The following LIPE variants were observed in gnomAD, a reference collection of about 807,000 sequenced individuals.
The protein encoded by LIPE is lipase E, hormone sensitive type.
LIPE carries 66 observed loss-of-function variants against 88.5 expected under a neutral mutation model. That is an observed-to-expected ratio of 0.75 (90% CI 0.61 to 0.91). LIPE has a LOEUF of 0.91. Among genes scored for constraint, LIPE ranks in the 40% least tolerant of loss-of-function variants. The probability of loss-of-function intolerance (pLI) is 0.00; values close to 1 mark genes in which losing one functional copy is unlikely to be tolerated. For synonymous variants in LIPE, 570 were observed against 617.5 expected (o/e 0.92, Z 1.14); for missense variants, 1,346 against 1,434.7 (o/e 0.94, Z 1.00).
At position 42,401,860 on chromosome 19, in the gene LIPE, C is replaced by G; in HGVS notation, c.3183G>C (p.Gly1061=). 1 of 1,525,956 alleles carries G rather than the reference C, an allele frequency of 6.6e-7. No individual in the cohort carries two copies. The allele number at this position is 1,525,956 out of a possible 1,614,324, so 94.5% of individuals were successfully genotyped here. ...LTPPAGAGPS[G]ETGAAGVDGG... is the part of the protein sequence containing the mutation. ...CGTCTACCCCCGCAGCCCCCGTCTC[C>G]CCGCTCGGCCCGGCTCCGGCGGGAG... is the stretch of plus-strand genomic sequence containing the variant. Residue 1061 remains glycine, a synonymous_variant, in exon 10 of 10, where the codon GGG becomes GGC. Transcript: ENST00000244289.
At chr19:42,419,041 G>C (rs1218946958) in intron 1 of LIPE, among the ~76,000 whole-genome samples, 2 of 152,186 alleles carry the variant, frequency 1.3e-5, no homozygotes, top group East Asian at 3.9e-4. Flanking sequence ...CACTTTGGGA[G>C]GCTGAGGCCG....
chr19:42,426,931 C>T lies in LIPE; in HGVS notation c.219G>A (p.Lys73=), dbSNP rs1035182646. The T allele has an allele frequency of 1.2e-6, 2 of 1,614,132 alleles. No individual in the cohort carries two copies. Among genetic ancestry groups the T allele is most frequent in the Admixed American group, 1.7e-5 (1 of 60,022 alleles). The change falls in exon 1 of 10, where the codon AAG becomes AAA. Residue 73 remains lysine (K), a synonymous_variant. Coordinates refer to ENST00000244289, the MANE Select transcript of LIPE (RefSeq NM_005357.4). ...CAGATTTTTGTTGGGCTCTAGGTTCCTTCTGGGATTCAGCATCATGTTGTG... is the reference window on the plus strand; with the variant it reads ...CAGATTTTTGTTGGGCTCTAGGTTCTTTCTGGGATTCAGCATCATGTTGTG... ...TPAQHDAESQ[K]EPRAQQKSAS...
rs1365592686 is a variant in LIPE, at chr19:42,401,848, A to G, written c.3195T>C (p.Ala1065=). ...AGAGPSGETG[A]AGVDGGCGGR... is the part of the protein sequence containing the mutation. Reference sequence around the variant, plus strand: ...CCCCGCAGCCCCCGTCTACCCCCGCAGCCCCCGTCTCCCCGCTCGGCCCGG... The same window carrying G: ...CCCCGCAGCCCCCGTCTACCCCCGCGGCCCCCGTCTCCCCGCTCGGCCCGG... The change falls in exon 10 of 10, where the codon GCT becomes GCC. Residue 1065 remains alanine (A), a synonymous_variant. Transcript: ENST00000244289. The G allele has an allele frequency of 4.3e-6, 3 of 692,832 alleles. No individual in the cohort carries two copies. The allele number at this position is 692,832 out of a possible 1,614,324, so 42.9% of individuals were successfully genotyped here.
Position 42,426,292 on chromosome 19 carries a change from C to A in LIPE, c.858G>T (p.Arg286=). 1 of 1,603,016 alleles carries A rather than the reference C, an allele frequency of 6.2e-7. No homozygotes were observed. Among genetic ancestry groups the A allele is most frequent in the Non-Finnish European group, 8.5e-7 (1 of 1,170,706 alleles). ...GTSPHEKTSA[R]NHRHYQDTAS... ...CTGTATCCTGGTAGTGTCTGTGATT[C>A]CGAGCACTGGTTTTCTCATGTGGCG... Residue 286 remains arginine (R), a synonymous_variant, in exon 1 of 10, where the codon CGG becomes CGT. Transcript: ENST00000244289.
chr19:42,426,974 G>A lies in LIPE; in HGVS notation c.176C>T (p.Thr59Ile), dbSNP rs369176160. The stretch of plus-strand genomic sequence containing the variant: ...ATGTTGTGCAGGGGTCTCCTGCTGG[G>A]TGAGGGGTCTTTGGTTTGAAGCAGG... The part of the protein sequence containing the change: ...QKPASNQRPL[T>I]QQETPAQHDA... Residue 59 changes from threonine (T) to isoleucine (I), a missense_variant, in exon 1 of 10, where the codon ACC (threonine) becomes ATC (isoleucine). Physicochemically the swap from Thr to Ile is moderately conservative, Grantham distance 89 (BLOSUM62 -1). Transcript: ENST00000244289. 100 of 1,613,970 alleles carry A rather than the reference G, an allele frequency of 6.2e-5. No individual in the cohort carries two copies. The highest frequency in any genetic ancestry group is 8.1e-5 in the Non-Finnish European group (96 of 1,180,038).
intron 1 of LIPE, chr19:42,424,245 T>A: frequency 1.6e-6 from 1 of 615,220 alleles, no homozygotes; most frequent in Non-Finnish European, 2.7e-6. Context: ...GCCTGCGCAC[T>A]AGCTTCAGGC....
rs1600154202 is a variant in LIPE at position 42,427,310 on chromosome 19, C to T, written c.-161G>A. The T allele has an allele frequency of 7.3e-7, 1 of 1,375,200 alleles. No individual in the cohort carries two copies. The highest frequency in any genetic ancestry group is 9.5e-7 in the Non-Finnish European group (1 of 1,057,398). 85.2% of individuals were successfully genotyped at this position (1,375,200 alleles called of 1,614,324 possible). A position where few individuals can be genotyped will look rare whatever the true frequency, so the allele number is the denominator to read the frequency against. On this transcript the variant is annotated 5_prime_UTR_variant, in exon 1 of 10. Transcript: ENST00000244289. ...TCACTGGTCTTCCTTTTTAAGGCAG[C>T]TGGCAGTTGGCCGATCACAGCTGGC...
chr19:42,402,138 G>C, intron 9 of LIPE, 63 bp from the exon 10 acceptor site: 5 of 1,389,630 alleles, frequency 3.6e-6, no homozygotes, highest in Non-Finnish European at 3.8e-6. Flanking sequence ...GGGTCGGGTA[G>C]AGCGAGGAGG....
intron 1 of LIPE, chr19:42,423,669 T>A (rs1380451172): frequency 1.7e-6 from 2 of 1,152,662 alleles, no homozygotes. Context: ...TGGGTCCAGC[T>A]CCCTAACCAA....
At position 42,414,277 on chromosome 19, in the gene LIPE, G is replaced by C. The variant is rs1372032023; in HGVS notation, c.884-3435C>G. 6.6e-6 allele frequency among the ~76,000 whole-genome samples: 1 copy of C among 151,604 alleles called. No individual in the cohort carries two copies. The highest frequency in any genetic ancestry group is 2.4e-5 in the African/African-American group (1 of 41,266). On this transcript the variant is annotated intron_variant, in intron 1 of 9. Coordinates refer to ENST00000244289, the MANE Select transcript of LIPE (RefSeq NM_005357.4). The surrounding 1 kb of genome is among the most constrained non-coding windows in gnomAD (Gnocchi z 4.6). ...GATAAAGCGAGACTCTGTCAGAAAA[G>C]AAAGGAAAGAAAGAAAGGAAAGGAA...
rs1055978908 is a variant in LIPE, at chr19:42,423,715, A to G, written c.883+2552T>C. 7.1e-6 allele frequency: 8 copies of G among 1,128,528 alleles called. No individual in the cohort carries two copies. In the African/African-American group the frequency reaches 1.2e-4, roughly 17 times the overall value. The allele number at this position is 1,128,528 out of a possible 1,614,324, so 69.9% of individuals were successfully genotyped here. On this transcript the variant is annotated intron_variant, in intron 1 of 9. Coordinates refer to ENST00000244289, the MANE Select transcript of LIPE (RefSeq NM_005357.4). The stretch of plus-strand genomic sequence containing the variant: ...CCTCCGCTGCCGTGCTCCGCCCCCA[A>G]CCGCCAGAATTTAAGATCTGGCTCC...
Position 42,408,102 on chromosome 19 carries a change from G to A in LIPE, c.1530C>T (p.Leu510=). 1 of 1,613,956 alleles carries A rather than the reference G, an allele frequency of 6.2e-7. No individual in the cohort carries two copies. The highest frequency in any genetic ancestry group is 1.7e-5 in the Admixed American group (1 of 60,022). Reference sequence around the variant, plus strand: ...CGATGGCAAAGCGGCCGCTGGTGAAGAGAGAGCTGGCGGCCACACCTAGGG... The same window carrying A: ...CGATGGCAAAGCGGCCGCTGGTGAAAAGAGAGCTGGCGGCCACACCTAGGG... ...ETGLSVAASS[L]FTSGRFAIDP... is the part of the protein sequence containing the mutation. The change falls in exon 4 of 10, where the codon CTC becomes CTT. Residue 510 remains leucine (L), a synonymous_variant. Coordinates refer to ENST00000244289, the MANE Select transcript of LIPE (RefSeq NM_005357.4). This position sits in a 1 kb window ranked among gnomAD's most constrained non-coding sequence, Gnocchi z 4.3.
At position 42,410,154 on chromosome 19, in the gene LIPE, G is replaced by C. The variant is rs1219120528; in HGVS notation, c.1419+153C>G. ...AGTTTGAGACCCCTGGTGCAGCTCTGTCTGAGCTCCAGCCAACTTCTCCTT... is the reference window on the plus strand; with the variant it reads ...AGTTTGAGACCCCTGGTGCAGCTCTCTCTGAGCTCCAGCCAACTTCTCCTT... On this transcript the variant is annotated intron_variant, in intron 2 of 9. Transcript: ENST00000244289. This position sits in a 1 kb window ranked among gnomAD's most constrained non-coding sequence, Gnocchi z 6.1. Among the ~76,000 whole-genome samples the C allele has an allele frequency of 1.3e-5, 2 of 152,216 alleles. No homozygotes were observed. The highest frequency in any genetic ancestry group is 2.9e-5 in the Non-Finnish European group (2 of 68,038).
At chr19:42,423,895 T>A in intron 1 of LIPE, 1 of 1,147,786 alleles carries the variant, frequency 8.7e-7, no homozygotes, top group Non-Finnish European at 1.1e-6. Context: ...GCCTCCCATG[T>A]GCTGGCTCAG....
chr19:42,415,386 G>C (rs1346095980), intron 1 of LIPE, among the ~76,000 whole-genome samples: 1 of 152,220 alleles, frequency 6.6e-6, no homozygotes, highest in Non-Finnish European at 1.5e-5. Context: ...TAGTGAGGAA[G>C]GCATGTCCAG....
intron 1 of LIPE, chr19:42,424,418 A>T (rs2040668626): frequency 2.2e-6 from 1 of 456,332 alleles, no homozygotes; most frequent in Non-Finnish European, 4.4e-6. Context: ...CCTGAAAGGC[A>T]ACCTCGCCCG....
chr19:42,423,335 C>A, intron 1 of LIPE: 1 of 1,057,452 alleles, frequency 9.5e-7, no homozygotes, highest in Admixed American at 2.6e-5. Context: ...CTCCCTGTGG[C>A]AGTGGGCCAG....
At chr19:42,420,066 T>C (rs555280233) in intron 1 of LIPE, among the ~76,000 whole-genome samples, 1 of 151,848 alleles carries the variant, frequency 6.6e-6, no homozygotes, top group African/African-American at 2.4e-5. Context: ...ATGTGTTTTA[T>C]GTGAAGTGAC....
At position 42,406,856 on chromosome 19, in the gene LIPE, G is replaced by T. The variant is rs1458621453; in HGVS notation, c.2137+318C>A. On this transcript the variant is annotated intron_variant, in intron 6 of 9. Transcript: ENST00000244289. The surrounding 1 kb of genome is among the most constrained non-coding windows in gnomAD (Gnocchi z 5.7). ...TTGATCTTCGAAGAGGGAGGTCAGAGAAGCTGGACTGTGGGCCAGGAGGCT... is the reference window on the plus strand; with the variant it reads ...TTGATCTTCGAAGAGGGAGGTCAGATAAGCTGGACTGTGGGCCAGGAGGCT... 6.6e-6 allele frequency among the ~76,000 whole-genome samples: 1 copy of T among 152,234 alleles called. No individual in the cohort carries two copies. Among genetic ancestry groups the T allele is most frequent in the Admixed American group, 6.5e-5 (1 of 15,282 alleles).
Sources: gnomAD v4.1 joint callset for allele counts (sites outside exome capture counted in the v4.1 genomes callset) on GRCh38, gnomAD v4.1.1 for gene constraint, Gnocchi (gnomAD v3.1) non-coding constraint, MANE v1.5 for transcripts, NCBI Gene and HGNC (gene_info 2026-07-23, HGNC 2026-07-21) for gene names.